The following C13orf46 variants were observed in gnomAD, a reference collection of about 807,000 sequenced individuals.
C13orf46 encodes the protein chromosome 13 open reading frame 46.
intron 6 of C13orf46, among the ~76,000 whole-genome samples, chr13:113,963,603 GCCGCAGT>G: frequency 1.4e-5 from 2 of 138,670 alleles, no homozygotes; most frequent in South Asian, 2.4e-4. Flanking sequence ...CCTGTCCTCA[GCCGCAGT>G]CCTTGTCCTC....
At chr13:113,946,950 C>T in the C13orf46 span, among the ~76,000 whole-genome samples, 1 of 152,258 alleles carries the variant, frequency 6.6e-6, no homozygotes, top group African/African-American at 2.4e-5. Context: ...CCGGCAGGTG[C>T]GTGGGCCGAA....
At chr13:113,937,581 G>C in the C13orf46 span, among the ~76,000 whole-genome samples, 1 of 152,154 alleles carries the variant, frequency 6.6e-6, no homozygotes, top group Non-Finnish European at 1.5e-5. Flanking sequence ...AGTTCAGGAC[G>C]CACCTGTGAC....
At chr13:113,960,302 C>T (rs1272808285) in intron 6 of C13orf46, among the ~76,000 whole-genome samples, 11 of 152,076 alleles carry the variant, frequency 7.2e-5, no homozygotes, top group African/African-American at 2.2e-4. Flanking sequence ...TAATACAAAA[C>T]TAAAGATTGG....
intron 6 of C13orf46, among the ~76,000 whole-genome samples, chr13:113,958,245 A>T (rs2052558465): frequency 6.7e-6 from 1 of 149,942 alleles, no homozygotes; most frequent in Non-Finnish European, 1.5e-5. Context: ...CCTTTCATCA[A>T]GTGCACTGGG....
At chr13:113,965,877 GATGGTGGTA>G (rs2052636701) in intron 5 of C13orf46, among the ~76,000 whole-genome samples, 1 of 149,182 alleles carries the variant, frequency 6.7e-6, no homozygotes, top group African/African-American at 2.5e-5. Flanking sequence ...TGATGGTGAT[GATGGTGGTA>G]ATGGTGATGG....
chr13:113,963,753 A>G (rs1486867464), intron 6 of C13orf46, among the ~76,000 whole-genome samples: 1 of 152,106 alleles, frequency 6.6e-6, no homozygotes. Flanking sequence ...TGTGCTTTTA[A>G]GAGGTGGAAG....
At chr13:113,935,306 C>T in the C13orf46 span, among the ~76,000 whole-genome samples, 1 of 152,222 alleles carries the variant, frequency 6.6e-6, no homozygotes, top group Non-Finnish European at 1.5e-5. Flanking sequence ...CTGGGAGGGG[C>T]GACTGCAGAG....
chr13:113,927,459 C>T, the C13orf46 span: 2 of 398,384 alleles, frequency 5.0e-6, no homozygotes, highest in Non-Finnish European at 8.8e-6. Context: ...GGCACTTCAA[C>T]TGCAAAGTAC....
At chr13:113,945,575 A>AGAGAGAG in the C13orf46 span, among the ~76,000 whole-genome samples, 26 of 89,140 alleles carry the variant, frequency 2.9e-4, no homozygotes, top group African/African-American at 6.7e-4. Context: ...GAAAGAAAGA[A>AGAGAGAG]AGAGAGAGAG....
chr13:113,972,686 C>T (rs1238143076), intron 1 of C13orf46, among the ~76,000 whole-genome samples: 2 of 152,218 alleles, frequency 1.3e-5, no homozygotes, highest in Admixed American at 6.5e-5. Context: ...ACACGTTTCG[C>T]GGTTTAGAAG....
At chr13:113,959,906 CTGTG>C (rs1477139500) in intron 6 of C13orf46, among the ~76,000 whole-genome samples, 25 of 152,156 alleles carry the variant, frequency 1.6e-4, no homozygotes, top group Non-Finnish European at 3.2e-4. Flanking sequence ...GAAAAGAATT[CTGTG>C]TGTAAGTTGG....
chr13:113,969,977 A>G (rs1417074061), intron 2 of C13orf46, among the ~76,000 whole-genome samples, 194 bp downstream of exon 2: 1 of 152,070 alleles, frequency 6.6e-6, no homozygotes, highest in African/African-American at 2.4e-5. Context: ...ATTCCTCTCA[A>G]AATAAGGAGG....
intron 6 of C13orf46, among the ~76,000 whole-genome samples, chr13:113,959,567 G>T (rs1053102308): frequency 2.0e-4 from 31 of 152,310 alleles, no homozygotes; most frequent in Admixed American, 1.3e-3. Flanking sequence ...CTTCTAGATG[G>T]GAGGGGTTCA....
intron 1 of C13orf46, among the ~76,000 whole-genome samples, chr13:113,971,418 G>A (rs1594256377): frequency 6.6e-6 from 1 of 152,214 alleles, no homozygotes. Context: ...CCCCAACAGA[G>A]AAGCCACGAG....
intron 6 of C13orf46, among the ~76,000 whole-genome samples, chr13:113,958,598 GCCTGTC>G (rs2052561733): frequency 6.6e-6 from 1 of 152,224 alleles, no homozygotes; most frequent in East Asian, 1.9e-4. Flanking sequence ...AGCCCCCGCC[GCCTGTC>G]CAGGAACCGT....
At chr13:113,946,550 G>C in the C13orf46 span, among the ~76,000 whole-genome samples, 1 of 152,262 alleles carries the variant, frequency 6.6e-6, no homozygotes, top group South Asian at 2.1e-4. Flanking sequence ...GTAGTAGCTA[G>C]GCCAGCACAA....
intron 1 of C13orf46, among the ~76,000 whole-genome samples, chr13:113,972,829 T>G (rs1483271205): frequency 2.6e-5 from 4 of 152,144 alleles, no homozygotes; most frequent in Non-Finnish European, 5.9e-5. Context: ...CCTTCAGGCA[T>G]CGGCTGGCTT....
At chr13:113,947,535 T>C in the C13orf46 span, among the ~76,000 whole-genome samples, 1 of 151,996 alleles carries the variant, frequency 6.6e-6, no homozygotes, top group South Asian at 2.1e-4. Flanking sequence ...TTTATTTACC[T>C]GAAATGATGG....
downstream of C13orf46, among the ~76,000 whole-genome samples, chr13:113,952,476 G>T (rs1326366049): frequency 6.6e-6 from 1 of 152,190 alleles, no homozygotes; most frequent in Non-Finnish European, 1.5e-5. Context: ...GCACCATGTG[G>T]GGCTGGGCCA....
Sources: gnomAD v4.1 joint callset for allele counts (sites outside exome capture counted in the v4.1 genomes callset) on GRCh38, gnomAD v4.1.1 for gene constraint, MANE v1.5 for transcripts, NCBI Gene and HGNC (gene_info 2026-07-23, HGNC 2026-07-21) for gene names.